Variants in PTPN4 observed in about 807,000 individuals in gnomAD.
PTPN4 encodes protein tyrosine phosphatase non-receptor type 4, also known as tyrosine-protein phosphatase non-receptor type 4.
In PTPN4, 49 loss-of-function variants were observed where a neutral mutation model predicts 135.5. The observed-to-expected ratio is 0.36, with a 90% CI of 0.29 to 0.46. PTPN4 has a LOEUF of 0.46. PTPN4 is among the 20% of genes least tolerant of loss of function. The pLI, the probability that PTPN4 is intolerant of heterozygous loss-of-function variation, is 1.00. For missense variants in PTPN4, 860 were observed against 1,101.0 expected, an observed-to-expected ratio of 0.78 and a Z score of 3.10; for synonymous variants, 333 against 369.9, an observed-to-expected ratio of 0.90 and a Z score of 1.14.
At chr2:119,796,948 G>A (rs961578677) in intron 1 of PTPN4, among the ~76,000 whole-genome samples, 1 of 152,012 alleles carries the variant, frequency 6.6e-6, no homozygotes, top group African/African-American at 2.4e-5. Context: ...TAAATTGCCT[G>A]AGCCTAATGT....
At chr2:119,804,190 G>A (rs1417176419) in intron 1 of PTPN4, among the ~76,000 whole-genome samples, 1 of 152,046 alleles carries the variant, frequency 6.6e-6, no homozygotes, top group African/African-American at 2.4e-5. Context: ...ATAGCTCACT[G>A]TAACCTTGAA....
chr2:119,970,403 C>T (rs1006373793), intron 26 of PTPN4, among the ~76,000 whole-genome samples: 1 of 151,982 alleles, frequency 6.6e-6, no homozygotes, highest in Non-Finnish European at 1.5e-5. Flanking sequence ...CCACCCCACC[C>T]CAAAAAACCC....
At chr2:119,763,507 C>T (rs1690546587) in intron 1 of PTPN4, among the ~76,000 whole-genome samples, 1 of 152,140 alleles carries the variant, frequency 6.6e-6, no homozygotes, top group African/African-American at 2.4e-5. Context: ...AATCCCCTGT[C>T]CTCTCCCTGC....
intron 1 of PTPN4, among the ~76,000 whole-genome samples, chr2:119,783,129 CATTT>C (rs778676677): frequency 2.6e-4 from 40 of 151,998 alleles, no homozygotes; most frequent in African/African-American, 8.9e-4. Context: ...TGCATTCATT[CATTT>C]GAGTTCAGTT....
At chr2:119,871,947 C>T (rs930563400) in intron 3 of PTPN4, among the ~76,000 whole-genome samples, 1 of 152,082 alleles carries the variant, frequency 6.6e-6, no homozygotes, top group Non-Finnish European at 1.5e-5. Flanking sequence ...TTGACTCATT[C>T]ATAGTCACCC....
At chr2:119,765,940 G>A (rs929778936) in intron 1 of PTPN4, among the ~76,000 whole-genome samples, 11 of 151,952 alleles carry the variant, frequency 7.2e-5, no homozygotes, top group African/African-American at 2.7e-4. Flanking sequence ...GTGTGCGCGC[G>A]CGCATGTGCG....
In PTPN4 at chr2:119,956,887, A is replaced by C. The variant is rs779465094; in HGVS notation, c.2024A>C (p.Lys675Thr). ...KKPGMTMSCAKLPQNISKNRY... is the reference protein window; with the variant it reads ...KKPGMTMSCATLPQNISKNRY... Reference sequence around the variant, plus strand: ...CCTGGAATGACAATGTCCTGTGCCAAATTACCTCAGAATATTTCCAAAAAT... The same window carrying C: ...CCTGGAATGACAATGTCCTGTGCCACATTACCTCAGAATATTTCCAAAAAT... The change falls in exon 21 of 27, where the codon AAA (lysine) becomes ACA (threonine). Residue 675 changes from lysine (K) to threonine (T), a missense_variant. Transcript: ENST00000263708. 2 of 1,609,672 alleles carry C rather than the reference A, an allele frequency of 1.2e-6. No homozygotes were observed. The highest frequency in any genetic ancestry group is 1.3e-5 in the African/African-American group (1 of 74,580).
At chr2:119,910,550 C>T (rs572929233) in intron 10 of PTPN4, among the ~76,000 whole-genome samples, 1 of 152,166 alleles carries the variant, frequency 6.6e-6, no homozygotes, top group Non-Finnish European at 1.5e-5. Flanking sequence ...CCTGCCCCCT[C>T]CTCCACTAAT....
chr2:119,803,279 T>G (rs1691407044), intron 1 of PTPN4, among the ~76,000 whole-genome samples: 2 of 152,184 alleles, frequency 1.3e-5, no homozygotes. Context: ...ATTACTGATT[T>G]GAGACATTTC....
intron 2 of PTPN4, among the ~76,000 whole-genome samples, chr2:119,841,221 C>T (rs1677376523): frequency 6.6e-6 from 1 of 151,994 alleles, no homozygotes; most frequent in Admixed American, 6.5e-5. Context: ...TAATAAAACC[C>T]TAGAGGGTTT....
At chr2:119,840,124 T>C (rs1677358298) in intron 2 of PTPN4, among the ~76,000 whole-genome samples, 1 of 152,234 alleles carries the variant, frequency 6.6e-6, no homozygotes, top group Admixed American at 6.5e-5. Flanking sequence ...TTCCAACTTT[T>C]GTTTTAAGTT....
intron 9 of PTPN4, among the ~76,000 whole-genome samples, chr2:119,895,219 A>T (rs923510377): frequency 5.3e-5 from 8 of 152,292 alleles, no homozygotes; most frequent in Admixed American, 3.3e-4. Context: ...GTAATTAAGA[A>T]AATTAACGGC....
At chr2:119,867,691 T>C (rs1375014257) in intron 3 of PTPN4, among the ~76,000 whole-genome samples, 1 of 152,174 alleles carries the variant, frequency 6.6e-6, no homozygotes. Flanking sequence ...GTAAATTACA[T>C]TGATTTTCAA....
chr2:119,945,053 C>A, intron 15 of PTPN4, 28 bp from the exon 16 acceptor site: 1 of 1,555,618 alleles, frequency 6.4e-7, no homozygotes, highest in Non-Finnish European at 8.6e-7. Context: ...AGTTATGAAA[C>A]AACTTCCAAA....
rs374123099 is a variant in PTPN4, at chr2:119,907,007, G to C, written c.764+6201G>C. On this transcript the variant is annotated intron_variant, in intron 10 of 26. Transcript: ENST00000263708. ...ATGTACAAACATCTGTTACGTTTCT[G>C]TACACCAATAATAGCTGGAAAAGAA... Among the ~76,000 whole-genome samples the C allele has an allele frequency of 7.1e-4, 108 of 152,242 alleles. 1 individual carries two copies. In the South Asian group the frequency reaches 0.014, roughly 20 times the overall value.
At chr2:119,905,279 CTAAATG>C (rs2105018121) in intron 10 of PTPN4, among the ~76,000 whole-genome samples, 1 of 152,052 alleles carries the variant, frequency 6.6e-6, no homozygotes, top group Admixed American at 6.5e-5. Flanking sequence ...GCACAATAGA[CTAAATG>C]TAAAGGGAAG....
chr2:119,825,276 C>G (rs1677130348), intron 2 of PTPN4, among the ~76,000 whole-genome samples: 3 of 151,982 alleles, frequency 2.0e-5, no homozygotes, highest in Non-Finnish European at 2.9e-5. Context: ...TGGGATATGG[C>G]CTTCCGTTTA....
chr2:119,900,814 C>A lies in PTPN4; in HGVS notation c.764+8C>A. The A allele has an allele frequency of 6.8e-7, 1 of 1,478,720 alleles. No homozygotes were observed. Among genetic ancestry groups the A allele is most frequent in the Non-Finnish European group, 9.3e-7 (1 of 1,080,870 alleles). 91.6% of individuals were successfully genotyped at this position (1,478,720 alleles called of 1,614,324 possible). A position where few individuals can be genotyped will look rare whatever the true frequency, so the allele number is the denominator to read the frequency against. On this transcript the variant is annotated splice_region_variant and intron_variant, in intron 10 of 26. Transcript: ENST00000263708. ...AATGAATACCTTTCCATGGTAAGAACATCTATTGATACTTTTATGTTTACC... is the reference window on the plus strand; with the variant it reads ...AATGAATACCTTTCCATGGTAAGAAAATCTATTGATACTTTTATGTTTACC...
intron 18 of PTPN4, among the ~76,000 whole-genome samples, chr2:119,950,296 A>G (rs1445978993): frequency 6.6e-6 from 1 of 152,212 alleles, no homozygotes; most frequent in African/African-American, 2.4e-5. Context: ...CTGCTAGTGC[A>G]CAGAGGGAAT....
Sources: allele counts gnomAD v4.1 joint callset (sites outside exome capture counted in the v4.1 genomes callset), GRCh38; gene constraint gnomAD v4.1.1; transcripts MANE v1.5; gene names NCBI Gene and HGNC (gene_info 2026-07-23, HGNC 2026-07-21).